The following FAM184B variants were observed in gnomAD, a reference collection of about 807,000 sequenced individuals.
FAM184B encodes the protein protein FAM184B.
In FAM184B, 111 loss-of-function variants were observed where a neutral mutation model predicts 135.9. That is an observed-to-expected ratio of 0.82 (90% CI 0.70 to 0.96). FAM184B has a LOEUF of 0.96. Ranked by LOEUF, FAM184B falls within the 40% of genes least tolerant of loss-of-function variation. The probability of loss-of-function intolerance (pLI) is 0.00; values close to 1 mark genes in which losing one functional copy is unlikely to be tolerated. For missense variants in FAM184B, 1,375 were observed against 1,323.9 expected (o/e 1.04, Z -0.60); for synonymous variants, 552 against 524.8 (o/e 1.05, Z -0.71).
intron 12 of FAM184B, among the ~76,000 whole-genome samples, chr4:17,647,210 G>A (rs937425039): frequency 2.7e-5 from 4 of 150,688 alleles, no homozygotes; most frequent in Non-Finnish European, 5.9e-5. Flanking sequence ...TCCCCACTTC[G>A]GGCAGGGGGG....
chr4:17,688,295 G>T, intron 7 of FAM184B, 129 bp downstream of exon 7: 2 of 636,604 alleles, frequency 3.1e-6, no homozygotes, highest in East Asian at 3.3e-5. Context: ...TTTTTTCCGG[G>T]CATTTTGGCA....
chr4:17,654,550 T>C (rs1008237422), intron 10 of FAM184B, among the ~76,000 whole-genome samples: 3 of 152,222 alleles, frequency 2.0e-5, no homozygotes, highest in Non-Finnish European at 4.4e-5. Flanking sequence ...GGAACCTGCC[T>C]GCAGAGAGGT....
chr4:17,724,693 C>T (rs1004778944), intron 1 of FAM184B, among the ~76,000 whole-genome samples: 1 of 152,230 alleles, frequency 6.6e-6, no homozygotes, highest in Non-Finnish European at 1.5e-5. Context: ...TGGTTGCAGG[C>T]ACTCTGCGCT....
intron 1 of FAM184B, among the ~76,000 whole-genome samples, chr4:17,718,006 C>G (rs1717434050): frequency 6.6e-6 from 1 of 152,154 alleles, no homozygotes; most frequent in Admixed American, 6.5e-5. Flanking sequence ...CCTTATTTTA[C>G]AGATGGGGCT....
At chr4:17,643,986 C>A (rs920682285) in intron 12 of FAM184B, among the ~76,000 whole-genome samples, 1 of 152,216 alleles carries the variant, frequency 6.6e-6, no homozygotes, top group African/African-American at 2.4e-5. Context: ...AACAAGTGCT[C>A]CAGGATCTCA....
rs1014353681 is a variant in FAM184B at position 17,630,929 on chromosome 4, C to T, written c.*1603G>A. The T allele has an allele frequency of 1.1e-4, 16 of 152,148 alleles. No individual in the cohort carries two copies. The highest frequency in any genetic ancestry group is 1.6e-4 in the Non-Finnish European group (11 of 68,014). The allele number at this position is 152,148 out of a possible 1,614,324, so 9.4% of individuals were successfully genotyped here. ...GTTATTCAAAGTTTTATTCAAAGAG[C>T]AAAGATTTGACAATGCATAGAATTA... is the stretch of plus-strand genomic sequence containing the variant. On this transcript the variant is annotated 3_prime_UTR_variant, in exon 18 of 18. Coordinates refer to ENST00000265018, the MANE Select transcript of FAM184B (RefSeq NM_015688.2).
intron 7 of FAM184B, among the ~76,000 whole-genome samples, chr4:17,676,680 G>A (rs1445965507): frequency 6.6e-6 from 1 of 152,132 alleles, no homozygotes; most frequent in African/African-American, 2.4e-5. Context: ...TAATGGAGCT[G>A]AAAAATTCCT....
At chr4:17,661,158 T>C (rs1715909519) in intron 8 of FAM184B, among the ~76,000 whole-genome samples, 1 of 152,218 alleles carries the variant, frequency 6.6e-6, no homozygotes, top group African/African-American at 2.4e-5. Context: ...CTTCCTCCTC[T>C]ATAACATAAG....
intron 1 of FAM184B, among the ~76,000 whole-genome samples, chr4:17,762,134 T>C (rs747818156): frequency 1.1e-4 from 17 of 152,186 alleles, no homozygotes; most frequent in Non-Finnish European, 2.1e-4. Flanking sequence ...GTGTCCTCCA[T>C]ACCGATGAAT....
chr4:17,649,894 G>C (rs1386741531), intron 11 of FAM184B, among the ~76,000 whole-genome samples: 1 of 76,688 alleles, frequency 1.3e-5, no homozygotes, highest in African/African-American at 6.3e-5. Flanking sequence ...CCATCTATCT[G>C]TCTACCCATC....
chr4:17,689,667 G>T (rs1187861653), intron 6 of FAM184B, among the ~76,000 whole-genome samples: 1 of 151,928 alleles, frequency 6.6e-6, no homozygotes, highest in Non-Finnish European at 1.5e-5. Context: ...TTAAAAAATT[G>T]AGATGGGATC....
chr4:17,756,842 T>G (rs756182266), intron 1 of FAM184B, among the ~76,000 whole-genome samples: 2 of 152,174 alleles, frequency 1.3e-5, no homozygotes, highest in Non-Finnish European at 2.9e-5. Flanking sequence ...GAGAATCACT[T>G]GAACCTGGGA....
chr4:17,689,328 C>T (rs1451679116), intron 6 of FAM184B, among the ~76,000 whole-genome samples: 1 of 152,106 alleles, frequency 6.6e-6, no homozygotes, highest in African/African-American at 2.4e-5. Flanking sequence ...ACAGATTTCC[C>T]CTAGACTTTG....
intron 1 of FAM184B, among the ~76,000 whole-genome samples, chr4:17,734,018 A>G (rs1261845058): frequency 1.3e-5 from 2 of 152,240 alleles, no homozygotes; most frequent in Non-Finnish European, 1.5e-5. Flanking sequence ...GCCCTCAGAA[A>G]TAATGCCACA....
rs566841500 is a variant in FAM184B at position 17,732,138 on chromosome 4, A to C, written c.142-22494T>G. Among the ~76,000 whole-genome samples, 17 of 152,250 alleles carry C rather than the reference A, an allele frequency of 1.1e-4. No homozygotes were observed. The South Asian group carries it at 3.5e-3, about 32-fold the overall frequency. The stretch of plus-strand genomic sequence containing the variant: ...AATAAAGATGTTCTTTGAAACCAAC[A>C]AGAACAAAGACACAACATACCAGAA... On this transcript the variant is annotated intron_variant, in intron 1 of 17. Transcript: ENST00000265018.
intron 17 of FAM184B, chr4:17,632,951 T>TCC (rs1316076922): frequency 1.1e-5 from 2 of 190,030 alleles, no homozygotes; most frequent in African/African-American, 4.7e-5. Context: ...TGACAGAGTC[T>TCC]CCCTCTGTCA....
chr4:17,749,852 T>G (rs1718253810), intron 1 of FAM184B, among the ~76,000 whole-genome samples: 1 of 152,228 alleles, frequency 6.6e-6, no homozygotes, highest in Non-Finnish European at 1.5e-5. Context: ...ATTTCATAGT[T>G]AAGATCGTGG....
intron 16 of FAM184B, 60 bp downstream of exon 16, chr4:17,634,949 T>A: frequency 7.8e-7 from 1 of 1,277,444 alleles, no homozygotes; most frequent in Admixed American, 2.1e-5. Flanking sequence ...GTGGTTACCT[T>A]TAAGAAAAAC....
At chr4:17,737,113 C>T (rs1157279395) in intron 1 of FAM184B, among the ~76,000 whole-genome samples, 1 of 151,020 alleles carries the variant, frequency 6.6e-6, no homozygotes, top group East Asian at 2.0e-4. Context: ...CATTGCACTC[C>T]AGCCTGGGCA....
Sources: gnomAD v4.1 joint callset for allele counts (sites outside exome capture counted in the v4.1 genomes callset) on GRCh38, gnomAD v4.1.1 for gene constraint, MANE v1.5 for transcripts, NCBI Gene and HGNC (gene_info 2026-07-23, HGNC 2026-07-21) for gene names.